The following EPHA6 variants were observed in gnomAD, a reference collection of about 807,000 sequenced individuals.
The protein encoded by EPHA6 is EPH receptor A6, also known as ephrin type-A receptor 6.
A neutral mutation model predicts 112.0 loss-of-function variants in EPHA6; 50 were observed. That is an observed-to-expected ratio of 0.45 (90% CI 0.36 to 0.56). The LOEUF is 0.56. Among genes scored for constraint, EPHA6 ranks in the 20% least tolerant of loss-of-function variants. The probability of loss-of-function intolerance (pLI) is 0.00; values close to 1 mark genes in which losing one functional copy is unlikely to be tolerated. For synonymous variants in EPHA6, 529 were observed against 490.7 expected, an observed-to-expected ratio of 1.08 and a Z score of -1.03; for missense variants, 1,280 against 1,417.4, an observed-to-expected ratio of 0.90 and a Z score of 1.56.
At chr3:97,170,337 A>G (rs920315098) in intron 3 of EPHA6, among the ~76,000 whole-genome samples, 3 of 152,174 alleles carry the variant, frequency 2.0e-5, no homozygotes, top group African/African-American at 4.8e-5. Flanking sequence ...GACCACTGCT[A>G]TGAAGCTGCT....
intron 5 of EPHA6, among the ~76,000 whole-genome samples, chr3:97,387,321 T>TG (rs2086129239): frequency 6.6e-6 from 1 of 152,038 alleles, no homozygotes; most frequent in African/African-American, 2.4e-5. Flanking sequence ...ATTCAGTTTT[T>TG]TTTTTTTTTT....
chr3:97,678,581 G>A (rs994587487), intron 14 of EPHA6, among the ~76,000 whole-genome samples: 1 of 152,158 alleles, frequency 6.6e-6, no homozygotes, highest in Non-Finnish European at 1.5e-5. Context: ...TGTGAAAGCA[G>A]AGAATCCTAG....
rs573622799 is a variant in EPHA6 at position 97,448,135 on chromosome 3, G to A, written c.1732-433G>A. Among the ~76,000 whole-genome samples the A allele has an allele frequency of 3.3e-5, 5 of 152,152 alleles. No individual in the cohort carries two copies. In the South Asian group the frequency reaches 8.3e-4, roughly 25 times the overall value. On this transcript the variant is annotated intron_variant, in intron 6 of 17. Transcript: ENST00000389672. ...TCCTTTCACCCACAGGTCTACCCAC[G>A]GATAGCGCCGGCATTTTGGCACTAC...
At chr3:96,911,569 CA>C (rs1370107289) in intron 2 of EPHA6, among the ~76,000 whole-genome samples, 6 of 151,024 alleles carry the variant, frequency 4.0e-5, no homozygotes, top group Non-Finnish European at 8.9e-5. Context: ...AATTTTAAAG[CA>C]AAAAAAATGA....
chr3:97,082,591 T>G (rs1259658964), intron 3 of EPHA6, among the ~76,000 whole-genome samples: 1 of 151,944 alleles, frequency 6.6e-6, no homozygotes, highest in Non-Finnish European at 1.5e-5. Flanking sequence ...TTAAGAAACT[T>G]TTAATCAATT....
chr3:97,596,641 A>G (rs1428626622), intron 12 of EPHA6, among the ~76,000 whole-genome samples: 3 of 151,636 alleles, frequency 2.0e-5, no homozygotes, highest in African/African-American at 7.3e-5. Context: ...CATGTTTATT[A>G]TCTGCTAATT....
intron 6 of EPHA6, among the ~76,000 whole-genome samples, chr3:97,432,813 C>T (rs1023041835): frequency 1.3e-5 from 2 of 152,086 alleles, no homozygotes; most frequent in African/African-American, 2.4e-5. Flanking sequence ...CACCATATGT[C>T]GTGAGAACTC....
intron 3 of EPHA6, among the ~76,000 whole-genome samples, chr3:97,044,406 G>A (rs530601767): frequency 2.0e-5 from 3 of 152,114 alleles, no homozygotes; most frequent in African/African-American, 7.2e-5. Context: ...CCTCTATGTT[G>A]TGTAAGGCAG....
intron 5 of EPHA6, among the ~76,000 whole-genome samples, chr3:97,296,468 C>A (rs189038205): frequency 2.0e-5 from 3 of 152,228 alleles, no homozygotes; most frequent in African/African-American, 7.2e-5. Flanking sequence ...GCTGAGGTGG[C>A]AGTAGCAATG....
At chr3:96,935,499 C>A (rs1232922725) in intron 2 of EPHA6, among the ~76,000 whole-genome samples, 6 of 150,152 alleles carry the variant, frequency 4.0e-5, no homozygotes, top group African/African-American at 1.5e-4. Flanking sequence ...TTACATAATT[C>A]ATTTCATATA....
intron 3 of EPHA6, among the ~76,000 whole-genome samples, chr3:97,080,076 G>A (rs181865919): frequency 6.6e-6 from 1 of 152,218 alleles, no homozygotes; most frequent in South Asian, 2.1e-4. Context: ...GGGGTGGTTT[G>A]TTACTGAACC....
chr3:97,245,756 G>A (rs1241729049), intron 5 of EPHA6, among the ~76,000 whole-genome samples: 4 of 151,748 alleles, frequency 2.6e-5, no homozygotes, highest in Non-Finnish European at 5.9e-5. Flanking sequence ...GTAGGAGGGA[G>A]GACTGTGATG....
intron 5 of EPHA6, among the ~76,000 whole-genome samples, chr3:97,268,358 A>T (rs1038017292): frequency 6.6e-6 from 1 of 152,206 alleles, no homozygotes; most frequent in African/African-American, 2.4e-5. Context: ...GGTCAACAGA[A>T]AACAACAATG....
intron 5 of EPHA6, among the ~76,000 whole-genome samples, chr3:97,244,998 T>C (rs2078946836): frequency 1.3e-5 from 2 of 152,020 alleles, no homozygotes; most frequent in Admixed American, 1.3e-4. Flanking sequence ...CTTCAGAGAT[T>C]TTTAAAACTC....
chr3:97,036,698 A>G (rs1194295769), intron 3 of EPHA6, among the ~76,000 whole-genome samples: 3 of 152,044 alleles, frequency 2.0e-5, no homozygotes, highest in African/African-American at 7.2e-5. Context: ...CCTTGAACTA[A>G]TCACTTAACA....
chr3:97,699,301 A>G (rs2033228578), intron 14 of EPHA6, among the ~76,000 whole-genome samples: 1 of 152,226 alleles, frequency 6.6e-6, no homozygotes, highest in Non-Finnish European at 1.5e-5. Flanking sequence ...TGTTTTCATG[A>G]GTATATTCTA....
At chr3:97,633,811 A>T (rs776270451) in intron 13 of EPHA6, among the ~76,000 whole-genome samples, 21 of 152,102 alleles carry the variant, frequency 1.4e-4, no homozygotes, top group Non-Finnish European at 2.6e-4. Context: ...CAGAAAAAGG[A>T]ATATAGATTT....
chr3:97,595,574 C>T (rs1319070533), intron 12 of EPHA6, among the ~76,000 whole-genome samples: 1 of 151,428 alleles, frequency 6.6e-6, no homozygotes, highest in Non-Finnish European at 1.5e-5. Context: ...TATCCCGGTA[C>T]GTGGAAGTTG....
chr3:96,944,930 A>T (rs1307293804), intron 2 of EPHA6, among the ~76,000 whole-genome samples: 2 of 152,096 alleles, frequency 1.3e-5, no homozygotes, highest in Middle Eastern at 3.2e-3. Context: ...ACAGAGCGAG[A>T]CTCTGTCTCA....
Sources: allele counts gnomAD v4.1 joint callset (sites outside exome capture counted in the v4.1 genomes callset), GRCh38; gene constraint gnomAD v4.1.1; transcripts MANE v1.5; gene names NCBI Gene and HGNC (gene_info 2026-07-23, HGNC 2026-07-21).